TLE4: variants seen among roughly 807,000 people sequenced by gnomAD.
The protein encoded by TLE4 is transducin-like enhancer protein 4.
TLE4 carries 8 observed loss-of-function variants against 92.8 expected under a neutral mutation model. The observed-to-expected ratio is 0.09, with a 90% CI of 0.05 to 0.16. The LOEUF is 0.16. Among genes scored for constraint, TLE4 ranks in the 10% least tolerant of loss-of-function variants. The probability of loss-of-function intolerance (pLI) is 1.00; values close to 1 mark genes in which losing one functional copy is unlikely to be tolerated. For synonymous variants in TLE4, 371 were observed against 374.1 expected (o/e 0.99, Z 0.10); for missense variants, 675 against 997.6 (o/e 0.68, Z 4.36).
chr9:79,718,179 CT>C (rs879503984), intron 14 of TLE4: 21,535 of 284,950 alleles, frequency 0.076, no homozygotes, highest in South Asian at 0.13. Flanking sequence ...AGGGCTTTAT[CT>C]TTTTTTTTTT....
rs545567647 is a variant in TLE4, at chr9:79,678,377, A to G, written c.609+24302A>G. On this transcript the variant is annotated intron_variant, in intron 8 of 19. Coordinates refer to ENST00000376552, the MANE Select transcript of TLE4 (RefSeq NM_007005.6). ...GACTTTCATTGCAAGCTTGAATTGG[A>G]AACCACATACAGACCTTTCCCTAAT... Among the ~76,000 whole-genome samples, 3 of 152,242 alleles carry G rather than the reference A, an allele frequency of 2.0e-5. No homozygotes were observed. In the East Asian group the frequency reaches 5.8e-4, roughly 29 times the overall value.
At chr9:79,712,198 T>C (rs1403293878) in intron 14 of TLE4, among the ~76,000 whole-genome samples, 4 of 152,246 alleles carry the variant, frequency 2.6e-5, no homozygotes, top group Admixed American at 2.6e-4. Flanking sequence ...CAGCATATTA[T>C]TCATTTTTCA....
intron 19 of TLE4, 123 bp downstream of exon 19, chr9:79,723,158 A>G: frequency 1.1e-6 from 1 of 879,594 alleles, no homozygotes; most frequent in South Asian, 1.6e-5. Flanking sequence ...CACATTGTAC[A>G]GAGAAGGAAA....
At chr9:79,684,332 G>T (rs1433573762) in intron 8 of TLE4, among the ~76,000 whole-genome samples, 1 of 152,184 alleles carries the variant, frequency 6.6e-6, no homozygotes, top group Admixed American at 6.5e-5. Context: ...GTACTGACCT[G>T]TGTCCTGTTA....
intron 6 of TLE4, among the ~76,000 whole-genome samples, chr9:79,642,365 C>T (rs543918341): frequency 6.6e-6 from 1 of 152,092 alleles, no homozygotes; most frequent in African/African-American, 2.4e-5. Context: ...AAGTGATCCT[C>T]CTGCCTCAGC....
At chr9:79,711,461 A>G (rs1334507077) in intron 14 of TLE4, among the ~76,000 whole-genome samples, 1 of 152,212 alleles carries the variant, frequency 6.6e-6, no homozygotes, top group Non-Finnish European at 1.5e-5. Flanking sequence ...TACAAGTTCC[A>G]TATGAACTTG....
At position 79,573,493 on chromosome 9, in the gene TLE4, C is replaced by T. The variant is rs964397068; in HGVS notation, c.46-196C>T. On this transcript the variant is annotated intron_variant, in intron 1 of 19. Transcript: ENST00000376552. ...GGCCTGCGGGCGGGAGTATGCGGGG[C>T]CCCAGGACCACCTCGAAACCAGCCT... The T allele has an allele frequency of 1.3e-5, 12 of 911,492 alleles. No individual in the cohort carries two copies. In the African/African-American group the frequency reaches 2.1e-4, roughly 16 times the overall value. 56.5% of individuals were successfully genotyped at this position (911,492 alleles called of 1,614,324 possible). A position where few individuals can be genotyped will look rare whatever the true frequency, so the allele number is the denominator to read the frequency against.
intron 6 of TLE4, among the ~76,000 whole-genome samples, chr9:79,642,735 CATT>C (rs200915014): frequency 0.011 from 1,643 of 152,092 alleles, 17 homozygotes; most frequent in Non-Finnish European, 0.017. Context: ...CTTTTCTTGC[CATT>C]ATTACTTCAT....
intron 2 of TLE4, 54 bp downstream of exon 2, chr9:79,573,840 G>A: frequency 4.4e-5 from 59 of 1,332,106 alleles, no homozygotes; most frequent in Non-Finnish European, 6.0e-5. Context: ...TTGTCTCCCC[G>A]ACAAATACAC....
chr9:79,580,837 T>TGA (rs1157813571), intron 4 of TLE4, among the ~76,000 whole-genome samples: 8 of 152,138 alleles, frequency 5.3e-5, no homozygotes, highest in African/African-American at 1.9e-4. Flanking sequence ...TGACAGAACT[T>TGA]TATCTTGCTT....
chr9:79,700,523 A>G lies in TLE4; in HGVS notation c.610-4260A>G, dbSNP rs574087561. Among the ~76,000 whole-genome samples, 24 of 152,290 alleles carry G rather than the reference A, an allele frequency of 1.6e-4. 1 individual carries two copies. The South Asian group carries it at 4.6e-3, about 29-fold the overall frequency. On this transcript the variant is annotated intron_variant, in intron 8 of 19. Coordinates refer to ENST00000376552, the MANE Select transcript of TLE4 (RefSeq NM_007005.6). ...CTAGTAAAGTCTGGGATGGTCTTTA[A>G]TCTAGGAACTAGAATCTTCTCATAG...
At chr9:79,643,700 A>G (rs1268098966) in intron 6 of TLE4, among the ~76,000 whole-genome samples, 3 of 152,142 alleles carry the variant, frequency 2.0e-5, no homozygotes, top group Admixed American at 2.0e-4. Flanking sequence ...TTCCAGTTGT[A>G]TCATATTACT....
intron 19 of TLE4, among the ~76,000 whole-genome samples, chr9:79,724,051 T>C (rs568542350): frequency 1.3e-5 from 2 of 152,224 alleles, no homozygotes; most frequent in Non-Finnish European, 2.9e-5. Context: ...TACAGTTGAA[T>C]ATGGTATACA....
intron 12 of TLE4, 99 bp downstream of exon 12, chr9:79,708,349 A>C (rs1231068392): frequency 7.2e-7 from 1 of 1,380,928 alleles, no homozygotes; most frequent in African/African-American, 1.5e-5. Context: ...AATGACCAGC[A>C]TTGAATGGCT....
At chr9:79,687,086 G>C (rs955749208) in intron 8 of TLE4, among the ~76,000 whole-genome samples, 1 of 152,222 alleles carries the variant, frequency 6.6e-6, no homozygotes, top group Non-Finnish European at 1.5e-5. Flanking sequence ...TCACTGGGAA[G>C]ACACACAGTA....
chr9:79,583,717 G>A (rs1275529671), intron 4 of TLE4, among the ~76,000 whole-genome samples: 1 of 152,002 alleles, frequency 6.6e-6, no homozygotes, highest in Non-Finnish European at 1.5e-5. Flanking sequence ...GGATGATTTT[G>A]GTTATTGAAT....
At chr9:79,716,997 C>G (rs1275954224) in intron 14 of TLE4, among the ~76,000 whole-genome samples, 1 of 152,136 alleles carries the variant, frequency 6.6e-6, no homozygotes, top group Non-Finnish European at 1.5e-5. Flanking sequence ...ATTTTATTAT[C>G]TCTGCTAATA....
At chr9:79,647,901 C>G (rs1184571445) in intron 6 of TLE4, among the ~76,000 whole-genome samples, 1 of 150,648 alleles carries the variant, frequency 6.6e-6, no homozygotes, top group Non-Finnish European at 1.5e-5. Context: ...AGGGATGTCT[C>G]CACCGAGAAA....
intron 2 of TLE4, 89 bp from the exon 3 acceptor site, chr9:79,574,784 G>T: frequency 1.8e-6 from 2 of 1,091,702 alleles, no homozygotes; most frequent in South Asian, 1.3e-5. Context: ...TGATTTAGTT[G>T]TTTGTAGGTG....
Sources: gnomAD v4.1 joint callset for allele counts (sites outside exome capture counted in the v4.1 genomes callset) on GRCh38, gnomAD v4.1.1 for gene constraint, MANE v1.5 for transcripts, NCBI Gene and HGNC (gene_info 2026-07-23, HGNC 2026-07-21) for gene names.